The following UNC5C variants were observed in gnomAD, a reference collection of about 807,000 sequenced individuals.
UNC5C encodes netrin receptor UNC5C.
A neutral mutation model predicts 99.8 loss-of-function variants in UNC5C; 47 were observed. The ratio of observed to expected loss-of-function variants is 0.47; its 90% CI spans 0.37 to 0.60. The LOEUF (loss-of-function observed/expected upper bound fraction) is 0.60, where lower values mean the gene tolerates loss of function less well. Ranked by LOEUF, UNC5C falls within the 20% of genes least tolerant of loss-of-function variation. The probability of loss-of-function intolerance (pLI) is 0.00; values close to 1 mark genes in which losing one functional copy is unlikely to be tolerated. For synonymous variants in UNC5C, 487 were observed against 452.2 expected (o/e 1.08, Z -0.98); for missense variants, 1,062 against 1,165.9 (o/e 0.91, Z 1.30).
At chr4:95,342,525 T>G (rs1743616666) in intron 1 of UNC5C, among the ~76,000 whole-genome samples, 1 of 152,020 alleles carries the variant, frequency 6.6e-6, no homozygotes, top group Non-Finnish European at 1.5e-5. Flanking sequence ...AGGCGGTACA[T>G]GCTGTGGTTC....
At chr4:95,455,715 G>A (rs1238284202) in intron 1 of UNC5C, among the ~76,000 whole-genome samples, 10 of 151,944 alleles carry the variant, frequency 6.6e-5, no homozygotes, top group Non-Finnish European at 1.5e-4. Flanking sequence ...ATTTTTCCAT[G>A]TGCATCTGCA....
At chr4:95,463,108 GT>G (rs1368919048) in intron 1 of UNC5C, among the ~76,000 whole-genome samples, 3 of 152,178 alleles carry the variant, frequency 2.0e-5, no homozygotes, top group Non-Finnish European at 4.4e-5. Context: ...GGGCTTTCAT[GT>G]TGGAGAAAAA....
chr4:95,325,856 T>C (rs536738960), intron 2 of UNC5C, among the ~76,000 whole-genome samples: 1 of 152,184 alleles, frequency 6.6e-6, no homozygotes, highest in Admixed American at 6.5e-5. Context: ...AAATAAAACA[T>C]GAAAAATGCA....
At chr4:95,259,862 T>C (rs1181540577) in intron 4 of UNC5C, among the ~76,000 whole-genome samples, 1 of 152,202 alleles carries the variant, frequency 6.6e-6, no homozygotes, top group East Asian at 1.9e-4. Flanking sequence ...TCTATATTTT[T>C]ATAATTTTTA....
chr4:95,181,879 T>C (rs1736626199), intron 14 of UNC5C, among the ~76,000 whole-genome samples: 1 of 152,216 alleles, frequency 6.6e-6, no homozygotes, highest in Admixed American at 6.5e-5. Flanking sequence ...AAGCTGAACA[T>C]GCTGACATTG....
chr4:95,393,916 C>T (rs548874172), intron 1 of UNC5C, among the ~76,000 whole-genome samples: 1 of 149,466 alleles, frequency 6.7e-6, no homozygotes, highest in East Asian at 2.0e-4. Flanking sequence ...GCCTAGAGGA[C>T]AGTTTTGAAT....
intron 12 of UNC5C, among the ~76,000 whole-genome samples, chr4:95,192,208 CCT>C (rs1277345671): frequency 1.4e-5 from 2 of 143,218 alleles, no homozygotes; most frequent in Admixed American, 6.9e-5. Context: ...CCTCTACTCA[CCT>C]CTTTTGCTCG....
At chr4:95,191,186 C>T (rs894872349) in intron 12 of UNC5C, among the ~76,000 whole-genome samples, 1 of 152,122 alleles carries the variant, frequency 6.6e-6, no homozygotes, top group African/African-American at 2.4e-5. Flanking sequence ...GTCCAGCCCC[C>T]GAGTTTCCCA....
intron 1 of UNC5C, among the ~76,000 whole-genome samples, chr4:95,538,694 C>A (rs1722839441): frequency 6.6e-6 from 1 of 151,900 alleles, no homozygotes; most frequent in African/African-American, 2.4e-5. Flanking sequence ...AATCCTAGTT[C>A]AAAAATGCCA....
chr4:95,462,402 G>A (rs536850076), intron 1 of UNC5C, among the ~76,000 whole-genome samples: 9 of 152,136 alleles, frequency 5.9e-5, no homozygotes, highest in South Asian at 2.1e-4. Flanking sequence ...TAGATATTAC[G>A]GGTAAAAATT....
intron 2 of UNC5C, among the ~76,000 whole-genome samples, chr4:95,317,701 G>C (rs887412980): frequency 1.3e-5 from 2 of 152,138 alleles, no homozygotes; most frequent in African/African-American, 4.8e-5. Context: ...GCAGCAGACT[G>C]GGGGAGGCCT....
intron 4 of UNC5C, among the ~76,000 whole-genome samples, chr4:95,267,069 T>A (rs952695629): frequency 6.6e-6 from 1 of 152,244 alleles, no homozygotes; most frequent in African/African-American, 2.4e-5. Flanking sequence ...CAAACAATAC[T>A]TATTTCCAAT....
intron 12 of UNC5C, among the ~76,000 whole-genome samples, chr4:95,190,257 A>G (rs898747338): frequency 4.6e-5 from 7 of 150,564 alleles, no homozygotes; most frequent in East Asian, 2.0e-4. Context: ...ACCAAACACC[A>G]CATGTTCTCA....
chr4:95,488,670 C>A (rs987380763), intron 1 of UNC5C, among the ~76,000 whole-genome samples: 3 of 151,698 alleles, frequency 2.0e-5, no homozygotes, highest in Admixed American at 6.6e-5. Flanking sequence ...GTAGCACATG[C>A]CCCTTAGTGG....
chr4:95,220,308 A>G (rs560592489), intron 7 of UNC5C, 132 bp from the exon 8 acceptor site: 10 of 929,792 alleles, frequency 1.1e-5, no homozygotes, highest in African/African-American at 1.0e-4. Flanking sequence ...TTCAAAAGCT[A>G]TATAAAATGG....
chr4:95,311,667 C>T (rs996746258), intron 2 of UNC5C, among the ~76,000 whole-genome samples: 2 of 152,148 alleles, frequency 1.3e-5, no homozygotes, highest in African/African-American at 4.8e-5. Flanking sequence ...CTTGTCCAGT[C>T]ATTCATTCAA....
At chr4:95,438,807 T>C (rs1020785465) in intron 1 of UNC5C, among the ~76,000 whole-genome samples, 2 of 152,172 alleles carry the variant, frequency 1.3e-5, no homozygotes, top group African/African-American at 4.8e-5. Flanking sequence ...ACAGCTGATT[T>C]TATTGATTGA....
chr4:95,417,233 A>C (rs1272422365), intron 1 of UNC5C, among the ~76,000 whole-genome samples: 1 of 152,214 alleles, frequency 6.6e-6, no homozygotes, highest in Non-Finnish European at 1.5e-5. Context: ...CGGAAAATGA[A>C]CTGCACATGG....
At chr4:95,461,925 T>G (rs1463510055) in intron 1 of UNC5C, among the ~76,000 whole-genome samples, 1 of 152,244 alleles carries the variant, frequency 6.6e-6, no homozygotes, top group Non-Finnish European at 1.5e-5. Flanking sequence ...TTGCCTGTTT[T>G]GATTTTCTTT....
Sources: gnomAD v4.1 joint callset for allele counts (sites outside exome capture counted in the v4.1 genomes callset) on GRCh38, gnomAD v4.1.1 for gene constraint, MANE v1.5 for transcripts, NCBI Gene and HGNC (gene_info 2026-07-23, HGNC 2026-07-21) for gene names.